The following EDC4 variants were observed in gnomAD, a reference collection of about 807,000 sequenced individuals.
EDC4 encodes enhancer of mRNA decapping 4, also known as enhancer of mRNA-decapping protein 4.
In EDC4, 64 loss-of-function variants were observed where a neutral mutation model predicts 155.8. The observed-to-expected ratio is 0.41, with a 90% CI of 0.34 to 0.51. The LOEUF (loss-of-function observed/expected upper bound fraction) is 0.51, where lower values mean the gene tolerates loss of function less well. Among genes scored for constraint, EDC4 ranks in the 20% least tolerant of loss-of-function variants. EDC4 has a pLI of 0.19. For missense variants in EDC4, 1,303 were observed against 1,812.5 expected (o/e 0.72, Z 5.10); for synonymous variants, 684 against 716.8 (o/e 0.95, Z 0.73).
Position 67,880,553 on chromosome 16 carries a change from T to C in EDC4, c.2098-4T>C, listed in dbSNP as rs1429517819. On this transcript the variant is annotated splice_region_variant and splice_polypyrimidine_tract_variant and intron_variant, in intron 17 of 28. Transcript: ENST00000358933. This position sits in a 1 kb window ranked among gnomAD's most constrained non-coding sequence, Gnocchi z 5.2. Reference sequence around the variant, plus strand: ...CTTAAGCCCCCATCTTTGGCCCACCTCAGGTGCCTACTGCCACCTCTGCAC... The same window carrying C: ...CTTAAGCCCCCATCTTTGGCCCACCCCAGGTGCCTACTGCCACCTCTGCAC... The C allele has an allele frequency of 1.2e-6, 2 of 1,612,272 alleles. No individual in the cohort carries two copies. Among genetic ancestry groups the C allele is most frequent in the African/African-American group, 2.7e-5 (2 of 74,862 alleles).
At position 67,877,299 on chromosome 16, in the gene EDC4, T is replaced by C. The variant is rs753575720; in HGVS notation, c.534T>C (p.Ser178=). The C allele has an allele frequency of 3.7e-6, 6 of 1,614,052 alleles. No homozygotes were observed. Among genetic ancestry groups the C allele is most frequent in the Non-Finnish European group, 5.1e-6 (6 of 1,180,042 alleles). Reference sequence around the variant, plus strand: ...CCTTGCTCAAGGGCTTCACAGGCAGTGTGGCTGATCTGGCTTTCGCGCACC... The same window carrying C: ...CCTTGCTCAAGGGCTTCACAGGCAGCGTGGCTGATCTGGCTTTCGCGCACC... ...ERTLLKGFTG[S]VADLAFAHLN... Residue 178 remains serine, a synonymous_variant, in exon 5 of 29, where the codon AGT becomes AGC. Coordinates refer to ENST00000358933, the MANE Select transcript of EDC4 (RefSeq NM_014329.5). The surrounding 1 kb of genome is among the most constrained non-coding windows in gnomAD (Gnocchi z 4.9).
rs900796435 is a variant in EDC4 at position 67,878,863 on chromosome 16, G to A, written c.1287+24G>A. 3 of 1,612,210 alleles carry A rather than the reference G, an allele frequency of 1.9e-6. No homozygotes were observed. In the African/African-American group the frequency reaches 4.0e-5, roughly 22 times the overall value. On this transcript the variant is annotated intron_variant, in intron 11 of 28. Coordinates refer to ENST00000358933, the MANE Select transcript of EDC4 (RefSeq NM_014329.5). This position sits in a 1 kb window ranked among gnomAD's most constrained non-coding sequence, Gnocchi z 5.2. ...AGGTAGGCTGCCATGGGGTACCCTG[G>A]GCAGAGTTGGGATTATAGAGGAAGG... is the stretch of plus-strand genomic sequence containing the variant.
chr16:67,877,111 CA>C lies in EDC4; in HGVS notation c.452-104del. On this transcript the variant is annotated intron_variant, in intron 4 of 28. Coordinates refer to ENST00000358933, the MANE Select transcript of EDC4 (RefSeq NM_014329.5). The surrounding 1 kb of genome is among the most constrained non-coding windows in gnomAD (Gnocchi z 4.9). The stretch of plus-strand genomic sequence containing the variant: ...CTCTTGGGGAGCTGGGTGGGAAAAC[CA>C]AGCTTGAGACTCTGGTGGTGGCAGG... 1 of 1,533,958 alleles carries C rather than the reference CA, an allele frequency of 6.5e-7. No individual in the cohort carries two copies. The highest frequency in any genetic ancestry group is 1.3e-5 in the South Asian group (1 of 79,124).
In EDC4 at chr16:67,881,872, T is replaced by C. The variant is rs1029148618; in HGVS notation, c.3004+27T>C. On this transcript the variant is annotated intron_variant, in intron 22 of 28. Transcript: ENST00000358933. The surrounding 1 kb of genome is among the most constrained non-coding windows in gnomAD (Gnocchi z 5.4). Reference sequence around the variant, plus strand: ...TATCCTTGAGACTGGTAGCACAACATGGCATAGGGACGGGGGCAGCATTCT... The same window carrying C: ...TATCCTTGAGACTGGTAGCACAACACGGCATAGGGACGGGGGCAGCATTCT... 1 of 1,607,946 alleles carries C rather than the reference T, an allele frequency of 6.2e-7. No homozygotes were observed. Among genetic ancestry groups the C allele is most frequent in the Non-Finnish European group, 8.5e-7 (1 of 1,175,038 alleles).
rs777843951 is a variant in EDC4, at chr16:67,880,705, C to T, written c.2246C>T (p.Ser749Phe). The T allele has an allele frequency of 1.9e-6, 3 of 1,614,222 alleles. No homozygotes were observed. The highest frequency in any genetic ancestry group is 1.7e-5 in the Admixed American group (1 of 60,036). Residue 749 changes from serine (S) to phenylalanine (F), a missense_variant, in exon 18 of 29, where the codon TCT becomes TTT. This residue lies in a region of EDC4 where 391 missense variants were observed against 445.4 expected (regional missense o/e 0.88). Coordinates refer to ENST00000358933, the MANE Select transcript of EDC4 (RefSeq NM_014329.5). The surrounding 1 kb of genome is among the most constrained non-coding windows in gnomAD (Gnocchi z 5.2). ...ALSQDIPEIA[S>F]EALSRGFGSS... Reference sequence around the variant, plus strand: ...TCCCAGGACATCCCTGAGATTGCATCTGAGGCCCTGTCCCGTGGTTTTGGC... The same window carrying T: ...TCCCAGGACATCCCTGAGATTGCATTTGAGGCCCTGTCCCGTGGTTTTGGC...
Position 67,882,141 on chromosome 16 carries a change from G to A in EDC4, c.3160+32G>A, listed in dbSNP as rs1334903984. 10 of 1,613,596 alleles carry A rather than the reference G, an allele frequency of 6.2e-6. No individual in the cohort carries two copies. Among genetic ancestry groups the A allele is most frequent in the Non-Finnish European group, 8.5e-6 (10 of 1,179,930 alleles). The stretch of plus-strand genomic sequence containing the variant: ...TTTGCATGCAGACTCCCTTTGGGTG[G>A]TTCAGGTGGGAGTGGGGTACCTGTC... On this transcript the variant is annotated intron_variant, in intron 23 of 28. Coordinates refer to ENST00000358933, the MANE Select transcript of EDC4 (RefSeq NM_014329.5). This position sits in a 1 kb window ranked among gnomAD's most constrained non-coding sequence, Gnocchi z 7.2.
rs567647154 is a variant in EDC4, at chr16:67,880,521, C to T, written c.2098-36C>T. ...TGTGCCCCCCATCTCTGCCTCACTT[C>T]CTGTCACTTAAGCCCCCATCTTTGG... On this transcript the variant is annotated intron_variant, in intron 17 of 28. Coordinates refer to ENST00000358933, the MANE Select transcript of EDC4 (RefSeq NM_014329.5). This position sits in a 1 kb window ranked among gnomAD's most constrained non-coding sequence, Gnocchi z 5.2. 6.2e-7 allele frequency: 1 copy of T among 1,602,306 alleles called. No homozygotes were observed. Among genetic ancestry groups the T allele is most frequent in the South Asian group, 1.1e-5 (1 of 90,238 alleles).
chr16:67,878,308 C>A lies in EDC4; in HGVS notation c.1004+33C>A. On this transcript the variant is annotated intron_variant, in intron 8 of 28. Transcript: ENST00000358933. This position sits in a 1 kb window ranked among gnomAD's most constrained non-coding sequence, Gnocchi z 5.2. Reference sequence around the variant, plus strand: ...AGGGCCTCAGGGACCAGGATCCTCCCGAGGTAGCCCACCCGACCACTCACT... The same window carrying A: ...AGGGCCTCAGGGACCAGGATCCTCCAGAGGTAGCCCACCCGACCACTCACT... 1 of 1,614,182 alleles carries A rather than the reference C, an allele frequency of 6.2e-7. No individual in the cohort carries two copies. Among genetic ancestry groups the A allele is most frequent in the South Asian group, 1.1e-5 (1 of 91,086 alleles).
chr16:67,881,109 C>T lies in EDC4; in HGVS notation c.2565C>T (p.Ser855=). The change falls in exon 19 of 29, where the codon AGC becomes AGT. Residue 855 remains serine, a synonymous_variant. Coordinates refer to ENST00000358933, the MANE Select transcript of EDC4 (RefSeq NM_014329.5). This position sits in a 1 kb window ranked among gnomAD's most constrained non-coding sequence, Gnocchi z 5.4. ...ATGGCCTTCAGGAAAAGCACAAGAG[C>T]CTGGCCTTCCACCGACCACCATATC... ...PRNGLQEKHK[S]LAFHRPPYHL... 1 of 1,614,104 alleles carries T rather than the reference C, an allele frequency of 6.2e-7. No homozygotes were observed. The highest frequency in any genetic ancestry group is 2.2e-5 in the East Asian group (1 of 44,884).
Position 67,880,142 on chromosome 16 carries a change from G to C in EDC4, c.2023G>C (p.Ala675Pro). ...LTMSSSGSLQ[A>P]SPRGLLPGLL... ...AATGAGCAGCAGTGGCAGCCTTCAG[G>C]CAAGCCCGCGTGGCCTCCTGCCTGG... The change falls in exon 17 of 29, where the codon GCA becomes CCA. Residue 675 changes from alanine (A) to proline (P), a missense_variant. Physicochemically the swap from Ala to Pro is conservative, Grantham distance 27. Coordinates refer to ENST00000358933, the MANE Select transcript of EDC4 (RefSeq NM_014329.5). This position sits in a 1 kb window ranked among gnomAD's most constrained non-coding sequence, Gnocchi z 5.2. 1 of 1,612,992 alleles carries C rather than the reference G, an allele frequency of 6.2e-7. No homozygotes were observed. The highest frequency in any genetic ancestry group is 8.5e-7 in the Non-Finnish European group (1 of 1,179,810).
In EDC4 at chr16:67,883,069, C is replaced by T. The variant is rs1200195431; in HGVS notation, c.3741C>T (p.Arg1247=). Reference sequence around the variant, plus strand: ...CCTCCAGCATCATGCAGGCCATGCGCTCAGCTGCTGGCACACCTGTCCCCT... The same window carrying T: ...CCTCCAGCATCATGCAGGCCATGCGTTCAGCTGCTGGCACACCTGTCCCCT... ...AVTSSIMQAM[R]SAAGTPVPSA... Residue 1247 remains arginine (R), a synonymous_variant, in exon 27 of 29, where the codon CGC becomes CGT. Transcript: ENST00000358933. This position sits in a 1 kb window ranked among gnomAD's most constrained non-coding sequence, Gnocchi z 5.3. 2.5e-6 allele frequency: 4 copies of T among 1,613,372 alleles called. No homozygotes were observed. Among genetic ancestry groups the T allele is most frequent in the East Asian group, 4.5e-5 (2 of 44,886 alleles).
chr16:67,873,480 CTG>C (rs1413487334), intron 1 of EDC4, 137 bp downstream of exon 1: 1 of 661,080 alleles, frequency 1.5e-6, no homozygotes, highest in Non-Finnish European at 2.3e-6. Flanking sequence ...CGGGGATTGA[CTG>C]TGCCCCTCGA....
rs368357660 is a variant in EDC4, at chr16:67,879,548, G to C, written c.1634-39G>C. The C allele has an allele frequency of 6.2e-7, 1 of 1,613,898 alleles. No homozygotes were observed. Among genetic ancestry groups the C allele is most frequent in the Non-Finnish European group, 8.5e-7 (1 of 1,179,882 alleles). On this transcript the variant is annotated intron_variant, in intron 14 of 28. Transcript: ENST00000358933. The surrounding 1 kb of genome is among the most constrained non-coding windows in gnomAD (Gnocchi z 6.0). The stretch of plus-strand genomic sequence containing the variant: ...GAGGTAGGGTAAGTTGGACTGACCA[G>C]GGTCTGAGATCTAACTCAAGTGGCA...
At chr16:67,875,688 A>G (rs2058038530) in intron 1 of EDC4, 2 of 1,277,682 alleles carry the variant, frequency 1.6e-6, no homozygotes, top group Non-Finnish European at 9.9e-7. Flanking sequence ...CCCAGACCTG[A>G]GTATTCACTG....
At chr16:67,874,568 C>A (rs2058034438) in intron 1 of EDC4, among the ~76,000 whole-genome samples, 1 of 152,202 alleles carries the variant, frequency 6.6e-6, no homozygotes, top group Non-Finnish European at 1.5e-5. Context: ...GCATGGCCAA[C>A]CATGTACAGC....
intron 1 of EDC4, 158 bp from the exon 2 acceptor site, chr16:67,875,787 G>T: frequency 6.9e-7 from 1 of 1,453,650 alleles, no homozygotes. Flanking sequence ...CAGTGTTTAT[G>T]GAACGAGAGA....
rs2058060920 is a variant in EDC4, at chr16:67,880,288, C to T, written c.2097+72C>T. On this transcript the variant is annotated intron_variant, in intron 17 of 28. Coordinates refer to ENST00000358933, the MANE Select transcript of EDC4 (RefSeq NM_014329.5). This position sits in a 1 kb window ranked among gnomAD's most constrained non-coding sequence, Gnocchi z 5.2. ...CAGCAGGGAAGGTGGGTGGTGGGCT[C>T]CTCCCAGCCCCCTGCTGCTGATCCT... The T allele has an allele frequency of 3.3e-6, 5 of 1,514,086 alleles. No homozygotes were observed. Among genetic ancestry groups the T allele is most frequent in the African/African-American group, 2.8e-5 (2 of 72,638 alleles). 93.8% of individuals were successfully genotyped at this position (1,514,086 alleles called of 1,614,324 possible).
Position 67,880,046 on chromosome 16 carries a change from C to T in EDC4, c.1944-17C>T, listed in dbSNP as rs748572865. On this transcript the variant is annotated splice_polypyrimidine_tract_variant and intron_variant, in intron 16 of 28. Transcript: ENST00000358933. This position sits in a 1 kb window ranked among gnomAD's most constrained non-coding sequence, Gnocchi z 5.2. ...TGCCAAGCTCTGGCTGCTGACACCT[C>T]AGCCTTCCCCCACCAGGCCACCTGA... The T allele has an allele frequency of 6.3e-7, 1 of 1,591,994 alleles. No homozygotes were observed. The highest frequency in any genetic ancestry group is 1.1e-5 in the South Asian group (1 of 88,170).
chr16:67,875,835 T>C, intron 1 of EDC4, 110 bp from the exon 2 acceptor site: 2 of 1,508,842 alleles, frequency 1.3e-6, no homozygotes, highest in Non-Finnish European at 1.8e-6. Flanking sequence ...CATGCTTTGC[T>C]CAGTTGAGTG....
Sources: gnomAD v4.1 joint callset for allele counts (sites outside exome capture counted in the v4.1 genomes callset) on GRCh38, gnomAD v4.1.1 for gene constraint, gnomAD v4.1.1 regional missense constraint, Gnocchi (gnomAD v3.1) non-coding constraint, MANE v1.5 for transcripts, NCBI Gene and HGNC (gene_info 2026-07-23, HGNC 2026-07-21) for gene names.